MIB1: variants seen among roughly 807,000 people sequenced by gnomAD.
MIB1 encodes the protein E3 ubiquitin-protein ligase MIB1.
MIB1 carries 278 observed loss-of-function variants against 124.5 expected under a neutral mutation model. That is an observed-to-expected ratio of 2.23 (90% CI 2.02 to 2.47). The LOEUF (loss-of-function observed/expected upper bound fraction) is 2.47, where lower values mean the gene tolerates loss of function less well. MIB1 is among the 30% of genes most tolerant of loss of function. The pLI is 0.00. For synonymous variants in MIB1, 446 were observed against 429.4 expected (o/e 1.04, Z -0.48); for missense variants, 957 against 1,254.4 (o/e 0.76, Z 3.58).
chr18:21,733,691 C>T (rs142024239), intron 1 of MIB1, among the ~76,000 whole-genome samples: 113 of 152,204 alleles, frequency 7.4e-4, no homozygotes, highest in African/African-American at 2.3e-3. Context: ...TACATCATCT[C>T]GTCCTTTCTT....
intron 1 of MIB1, among the ~76,000 whole-genome samples, chr18:21,750,884 T>C (rs948564): frequency 0.032 from 4,907 of 152,266 alleles, 294 homozygotes; most frequent in African/African-American, 0.11. Flanking sequence ...CCTGTAAATA[T>C]ATGCTTCTTT....
intron 7 of MIB1, among the ~76,000 whole-genome samples, chr18:21,797,778 A>G (rs1379559317): frequency 6.6e-6 from 1 of 152,056 alleles, no homozygotes; most frequent in Non-Finnish European, 1.5e-5. Flanking sequence ...CAAGTTCTCA[A>G]AATGTACCTT....
rs746014652 is a variant in MIB1, at chr18:21,864,709, T to G, written c.*43T>G. The G allele has an allele frequency of 1.3e-6, 2 of 1,521,938 alleles. No individual in the cohort carries two copies. Among genetic ancestry groups the G allele is most frequent in the Non-Finnish European group, 1.8e-6 (2 of 1,105,514 alleles). 94.3% of individuals were successfully genotyped at this position (1,521,938 alleles called of 1,614,324 possible). A position where few individuals can be genotyped will look rare whatever the true frequency, so the allele number is the denominator to read the frequency against. On this transcript the variant is annotated 3_prime_UTR_variant, in exon 21 of 21. Transcript: ENST00000261537. ...TTTTGTTAGCTAATGTATCTAGTCA[T>G]GAGATCTTAATAGGCTTTTGATCTA...
At chr18:21,795,925 A>G (rs893893896) in intron 7 of MIB1, among the ~76,000 whole-genome samples, 6 of 152,204 alleles carry the variant, frequency 3.9e-5, no homozygotes, top group Admixed American at 2.6e-4. Context: ...TTTGACTTTG[A>G]GAATCAGAAT....
chr18:21,750,912 C>A (rs1036177104), intron 1 of MIB1, among the ~76,000 whole-genome samples: 8 of 152,032 alleles, frequency 5.3e-5, no homozygotes, highest in Non-Finnish European at 1.2e-4. Context: ...GTAAGATTTG[C>A]TCAGCTGGGC....
intron 19 of MIB1, among the ~76,000 whole-genome samples, chr18:21,857,628 A>G (rs775131542): frequency 6.6e-6 from 1 of 152,270 alleles, no homozygotes; most frequent in Non-Finnish European, 1.5e-5. Flanking sequence ...CCATTATGCA[A>G]CAGGTTTATT....
chr18:21,858,215 C>T (rs546686232), intron 19 of MIB1, among the ~76,000 whole-genome samples: 49 of 152,278 alleles, frequency 3.2e-4, no homozygotes, highest in African/African-American at 1.2e-3. Context: ...GGTACAGGAG[C>T]AGAGGAAGCA....
intron 20 of MIB1, among the ~76,000 whole-genome samples, chr18:21,858,943 ACTGT>A (rs2146521608): frequency 6.6e-6 from 1 of 152,304 alleles, no homozygotes; most frequent in African/African-American, 2.4e-5. Flanking sequence ...AATGTTAAAG[ACTGT>A]CAGTATCAAA....
intron 6 of MIB1, among the ~76,000 whole-genome samples, chr18:21,788,829 A>G (rs906554441): frequency 3.9e-5 from 6 of 152,254 alleles, no homozygotes; most frequent in African/African-American, 1.4e-4. Context: ...ACAATGAACA[A>G]TATGAAAATG....
At position 21,837,528 on chromosome 18, in the gene MIB1, A is replaced by G. The variant is rs1010206060; in HGVS notation, c.1830-837A>G. On this transcript the variant is annotated intron_variant, in intron 12 of 20. Transcript: ENST00000261537. ...GTCTCAGGAAAACAAACAGACAAAC[A>G]AAAGTCTAATAAAAGTTTCCAAATG... 2.0e-5 allele frequency among the ~76,000 whole-genome samples: 3 copies of G among 152,142 alleles called. 1 individual carries two copies. The South Asian group carries it at 6.2e-4, about 32-fold the overall frequency.
At chr18:21,734,082 A>T (rs2040784062) in intron 1 of MIB1, among the ~76,000 whole-genome samples, 1 of 150,426 alleles carries the variant, frequency 6.6e-6, no homozygotes, top group East Asian at 2.0e-4. Context: ...CTCACCATAA[A>T]TATGATATTT....
chr18:21,835,218 CTA>C (rs530797756), intron 12 of MIB1, among the ~76,000 whole-genome samples: 4 of 151,760 alleles, frequency 2.6e-5, no homozygotes, highest in Non-Finnish European at 2.9e-5. Flanking sequence ...TTTATCAAGA[CTA>C]GTCTTATTTT....
At chr18:21,761,343 A>G (rs1005561230) in intron 1 of MIB1, among the ~76,000 whole-genome samples, 3 of 152,064 alleles carry the variant, frequency 2.0e-5, no homozygotes, top group African/African-American at 7.2e-5. Flanking sequence ...TGAAACTGCC[A>G]TTTGTAAAGA....
intron 1 of MIB1, among the ~76,000 whole-genome samples, chr18:21,706,468 T>G (rs1192627591): frequency 6.6e-6 from 1 of 152,182 alleles, no homozygotes; most frequent in Non-Finnish European, 1.5e-5. Context: ...CTCTCTGGGC[T>G]GGCTGAGGCC....
chr18:21,788,102 G>C (rs1467545469), intron 6 of MIB1, among the ~76,000 whole-genome samples: 1 of 151,926 alleles, frequency 6.6e-6, no homozygotes, highest in African/African-American at 2.4e-5. Context: ...AAATTCATTT[G>C]ATTTCTAGAT....
intron 10 of MIB1, among the ~76,000 whole-genome samples, chr18:21,804,537 G>T (rs1369171071): frequency 4.6e-5 from 7 of 152,212 alleles, no homozygotes; most frequent in Non-Finnish European, 8.8e-5. Flanking sequence ...TTATAAAAGA[G>T]AAACACTTCT....
rs543812371 is a variant in MIB1, at chr18:21,760,684, A to T, written c.230-5088A>T. 2.6e-5 allele frequency among the ~76,000 whole-genome samples: 4 copies of T among 152,350 alleles called. No homozygotes were observed. The South Asian group carries it at 8.3e-4, about 32-fold the overall frequency. Reference sequence around the variant, plus strand: ...CACAGATTATGAGCTCATGACTGTTATCATTGTATGTTGTGGAAAATGAAC... The same window carrying T: ...CACAGATTATGAGCTCATGACTGTTTTCATTGTATGTTGTGGAAAATGAAC... On this transcript the variant is annotated intron_variant, in intron 1 of 20. Transcript: ENST00000261537.
chr18:21,759,672 G>T (rs947253843), intron 1 of MIB1, among the ~76,000 whole-genome samples: 14 of 152,102 alleles, frequency 9.2e-5, no homozygotes, highest in Non-Finnish European at 1.5e-4. Context: ...TGTTGTTAAT[G>T]AACAATTATG....
chr18:21,763,072 G>GTT (rs796211842), intron 1 of MIB1, among the ~76,000 whole-genome samples: 3 of 143,298 alleles, frequency 2.1e-5, no homozygotes, highest in African/African-American at 7.6e-5. Flanking sequence ...ATTTTTTTCT[G>GTT]TTTTTTTTTT....
Sources: allele counts gnomAD v4.1 joint callset (sites outside exome capture counted in the v4.1 genomes callset), GRCh38; gene constraint gnomAD v4.1.1; transcripts MANE v1.5; gene names NCBI Gene and HGNC (gene_info 2026-07-23, HGNC 2026-07-21).